The following GLIS3 variants were observed in gnomAD, a reference collection of about 807,000 sequenced individuals.
GLIS3 encodes zinc finger protein GLIS3.
In GLIS3, 53 loss-of-function variants were observed where a neutral mutation model predicts 78.6. The ratio of observed to expected loss-of-function variants is 0.67; its 90% CI spans 0.54 to 0.85. GLIS3 has a LOEUF of 0.85. GLIS3 is among the 40% of genes least tolerant of loss of function. GLIS3 has a pLI of 0.00. For missense variants in GLIS3, 1,703 were observed against 1,231.1 expected, an observed-to-expected ratio of 1.38 and a Z score of -5.74; for synonymous variants, 684 against 509.9, an observed-to-expected ratio of 1.34 and a Z score of -4.60.
intron 4 of GLIS3, chr9:4,305,158 G>A (rs1158671668): frequency 6.6e-6 from 1 of 152,180 alleles, no homozygotes; most frequent in Non-Finnish European, 1.5e-5. Context: ...CAACTCATGT[G>A]GGACTAGCCA....
intron 7 of GLIS3, among the ~76,000 whole-genome samples, chr9:3,895,513 G>T (rs1028291468): frequency 6.6e-6 from 1 of 152,176 alleles, no homozygotes; most frequent in Non-Finnish European, 1.5e-5. Context: ...CCTCAGCATG[G>T]CCTCAAGTGA....
At chr9:4,350,485 G>C (rs567401703), upstream of GLIS3, among the ~76,000 whole-genome samples, 20 of 152,240 alleles carry the variant, frequency 1.3e-4, no homozygotes, top group African/African-American at 4.8e-4. Context: ...CTATTCACCT[G>C]TGCACAGTGT....
intron 2 of GLIS3, among the ~76,000 whole-genome samples, chr9:4,276,234 G>A (rs1826964925): frequency 6.7e-6 from 1 of 148,412 alleles, no homozygotes. Flanking sequence ...AGTGAGCCCA[G>A]ATAGTGCCAG....
At position 3,941,009 on chromosome 9, in the gene GLIS3, T is replaced by G. The variant is rs757816445; in HGVS notation, c.1711-3820A>C. Among the ~76,000 whole-genome samples, 150 of 152,250 alleles carry G rather than the reference T, an allele frequency of 9.9e-4. 4 individuals carry two copies. The highest frequency in any genetic ancestry group is 3.3e-4 in the Admixed American group (5 of 15,294). On this transcript the variant is annotated intron_variant, in intron 4 of 10. Coordinates refer to ENST00000381971, the MANE Select transcript of GLIS3 (RefSeq NM_001042413.2). ...CCTGGGAACTTGTCAGATATACACA[T>G]TCTCTGACCCCAGAATCAGAATGCT...
intron 2 of GLIS3, among the ~76,000 whole-genome samples, chr9:4,134,582 G>A (rs940757247): frequency 4.6e-5 from 7 of 152,126 alleles, no homozygotes; most frequent in African/African-American, 1.2e-4. Flanking sequence ...CAACATATAT[G>A]ATGTGCCTGC....
At chr9:4,474,030 A>G in the GLIS3 span, among the ~76,000 whole-genome samples, 1 of 152,188 alleles carries the variant, frequency 6.6e-6, no homozygotes, top group Admixed American at 6.5e-5. Flanking sequence ...CCCTAAAGCT[A>G]TCTAAAAATT....
chr9:4,470,604 C>G, the GLIS3 span, among the ~76,000 whole-genome samples: 3 of 152,100 alleles, frequency 2.0e-5, no homozygotes, highest in Admixed American at 6.5e-5. Context: ...GGACGTATCT[C>G]AAAATAATAA....
intron 2 of GLIS3, among the ~76,000 whole-genome samples, chr9:4,198,010 C>T (rs1444337915): frequency 6.6e-6 from 1 of 151,980 alleles, no homozygotes; most frequent in East Asian, 1.9e-4. Flanking sequence ...AAATTCCTGC[C>T]TGCATGAAAT....
At chr9:4,410,909 T>C in the GLIS3 span, among the ~76,000 whole-genome samples, 1 of 152,334 alleles carries the variant, frequency 6.6e-6, no homozygotes, top group African/African-American at 2.4e-5. Flanking sequence ...GGCCCACCTT[T>C]AGTCACTGTG....
chr9:3,867,871 T>G (rs1008429456), intron 8 of GLIS3, among the ~76,000 whole-genome samples: 4 of 152,030 alleles, frequency 2.6e-5, no homozygotes, highest in African/African-American at 9.7e-5. Flanking sequence ...GAGAAACTGG[T>G]CCTCTCATGG....
At chr9:4,469,215 T>C in the GLIS3 span, among the ~76,000 whole-genome samples, 1 of 152,022 alleles carries the variant, frequency 6.6e-6, no homozygotes, top group African/African-American at 2.4e-5. Flanking sequence ...CTGTCAACAT[T>C]AGACAGATCA....
At chr9:4,230,639 G>A (rs908905249) in intron 2 of GLIS3, among the ~76,000 whole-genome samples, 2 of 152,160 alleles carry the variant, frequency 1.3e-5, no homozygotes, top group Non-Finnish European at 2.9e-5. Flanking sequence ...ACAGAGCAGG[G>A]AAATATAAGC....
chr9:4,145,400 CAT>C (rs1442740608), intron 2 of GLIS3, among the ~76,000 whole-genome samples: 1 of 152,128 alleles, frequency 6.6e-6, no homozygotes, highest in East Asian at 1.9e-4. Flanking sequence ...TATAAGCAAA[CAT>C]ATCTTTAGGT....
chr9:3,941,123 G>C (rs1162417157), intron 4 of GLIS3, among the ~76,000 whole-genome samples: 2 of 152,212 alleles, frequency 1.3e-5, no homozygotes, highest in African/African-American at 4.8e-5. Context: ...GAGCAGGTGA[G>C]TTAGGGAATG....
the GLIS3 span, among the ~76,000 whole-genome samples, chr9:4,458,456 G>A: frequency 6.6e-6 from 1 of 152,176 alleles, no homozygotes; most frequent in African/African-American, 2.4e-5. Context: ...AAGTGATGAT[G>A]ATGGTGATGG....
chr9:4,144,622 C>G (rs1834068629), intron 2 of GLIS3, among the ~76,000 whole-genome samples: 1 of 152,074 alleles, frequency 6.6e-6, no homozygotes, highest in Admixed American at 6.5e-5. Context: ...ACATTTTTCA[C>G]TTATGAATAA....
the GLIS3 span, among the ~76,000 whole-genome samples, chr9:4,478,437 C>G: frequency 6.6e-6 from 1 of 151,966 alleles, no homozygotes; most frequent in Admixed American, 6.6e-5. Flanking sequence ...ATGGTGAAAC[C>G]CCCTCTCTAC....
the GLIS3 span, among the ~76,000 whole-genome samples, chr9:4,379,892 A>C: frequency 6.6e-6 from 1 of 152,194 alleles, no homozygotes; most frequent in Non-Finnish European, 1.5e-5. Flanking sequence ...GTGTGTATGC[A>C]TCTGTATGTG....
At chr9:4,012,931 C>G (rs1021998503) in intron 4 of GLIS3, among the ~76,000 whole-genome samples, 1 of 151,844 alleles carries the variant, frequency 6.6e-6, no homozygotes, top group Non-Finnish European at 1.5e-5. Flanking sequence ...CGCCACCACG[C>G]CCAGCTAATT....
Sources: gnomAD v4.1 joint callset for allele counts (sites outside exome capture counted in the v4.1 genomes callset) on GRCh38, gnomAD v4.1.1 for gene constraint, MANE v1.5 for transcripts, NCBI Gene and HGNC (gene_info 2026-07-23, HGNC 2026-07-21) for gene names.